Variants in SCFD2 observed in about 807,000 individuals in gnomAD.
The protein encoded by SCFD2 is sec1 family domain containing 2, also known as sec1 family domain-containing protein 2.
A neutral mutation model predicts 58.9 loss-of-function variants in SCFD2; 54 were observed. The observed-to-expected ratio is 0.92, with a 90% CI of 0.74 to 1.15. The LOEUF (loss-of-function observed/expected upper bound fraction) is 1.15, where lower values mean the gene tolerates loss of function less well. Among genes scored for constraint, SCFD2 ranks in the 50% most tolerant of loss-of-function variants. The pLI, the probability that SCFD2 is intolerant of heterozygous loss-of-function variation, is 0.00. For synonymous variants in SCFD2, 321 were observed against 335.9 expected, an observed-to-expected ratio of 0.96 and a Z score of 0.49; for missense variants, 805 against 836.6, an observed-to-expected ratio of 0.96 and a Z score of 0.47.
chr4:53,045,934 A>C (rs1218956404), intron 5 of SCFD2, among the ~76,000 whole-genome samples: 3 of 152,056 alleles, frequency 2.0e-5, no homozygotes, highest in Admixed American at 2.0e-4. Context: ...TGAAAAAAAA[A>C]ATCTATAGCT....
chr4:53,126,025 C>T (rs1462360258), intron 5 of SCFD2, among the ~76,000 whole-genome samples: 1 of 152,094 alleles, frequency 6.6e-6, no homozygotes, highest in Non-Finnish European at 1.5e-5. Context: ...CAAAGGGAAG[C>T]GGACCATGCT....
chr4:53,016,153 A>T (rs1218754600), intron 5 of SCFD2, among the ~76,000 whole-genome samples: 3 of 152,224 alleles, frequency 2.0e-5, no homozygotes, highest in Non-Finnish European at 4.4e-5. Context: ...ACAAATGATA[A>T]AAACCCTCAC....
At chr4:53,330,139 G>C (rs1172742753) in intron 2 of SCFD2, among the ~76,000 whole-genome samples, 2 of 152,266 alleles carry the variant, frequency 1.3e-5, no homozygotes, top group South Asian at 2.1e-4. Context: ...TGAAAGTGAT[G>C]GGGAGAATGG....
intron 5 of SCFD2, among the ~76,000 whole-genome samples, chr4:53,099,519 C>T (rs13111819): frequency 1.6e-3 from 251 of 152,242 alleles, no homozygotes; most frequent in Non-Finnish European, 3.1e-3. Context: ...TTGTACAAGA[C>T]GCATGGCGCC....
In SCFD2 at chr4:53,225,587, T is replaced by C. The variant is rs181459984; in HGVS notation, c.1311+48239A>G. Among the ~76,000 whole-genome samples, 416 of 152,368 alleles carry C rather than the reference T, an allele frequency of 2.7e-3. 1 individual carries two copies. Among genetic ancestry groups the C allele is most frequent in the African/African-American group, 9.5e-3 (395 of 41,604 alleles). Reference sequence around the variant, plus strand: ...CCCTATATAAAATTTTTAGAGCTAATAATAATGGCTAAAATTTGTTGTGTT... The same window carrying C: ...CCCTATATAAAATTTTTAGAGCTAACAATAATGGCTAAAATTTGTTGTGTT... On this transcript the variant is annotated intron_variant, in intron 4 of 8. Coordinates refer to ENST00000401642, the MANE Select transcript of SCFD2 (RefSeq NM_152540.4).
In SCFD2 at chr4:53,325,586, G is replaced by A. The variant is rs576985013; in HGVS notation, c.1008-11823C>T. On this transcript the variant is annotated intron_variant, in intron 2 of 8. Transcript: ENST00000401642. ...GAACTAAAAGGCATCGTTGGAATGTGTTTTGTGAGATTGATTTACTGATAG... is the reference window on the plus strand; with the variant it reads ...GAACTAAAAGGCATCGTTGGAATGTATTTTGTGAGATTGATTTACTGATAG... Among the ~76,000 whole-genome samples, 17 of 152,300 alleles carry A rather than the reference G, an allele frequency of 1.1e-4. No individual in the cohort carries two copies. In the South Asian group the frequency reaches 3.5e-3, roughly 32 times the overall value.
intron 5 of SCFD2, among the ~76,000 whole-genome samples, chr4:53,110,257 T>C (rs2148883735): frequency 6.6e-6 from 1 of 151,990 alleles, no homozygotes; most frequent in East Asian, 1.9e-4. Context: ...TGGATTAAAA[T>C]ATTAAATGTA....
In SCFD2 at chr4:53,125,133, G is replaced by A. The variant is rs184863461; in HGVS notation, c.1561+20200C>T. On this transcript the variant is annotated intron_variant, in intron 5 of 8. Transcript: ENST00000401642. ...GTCATTCTGAGCTAGGATGATTAGGGAAGGAATAAGAAAGGCAGTGACATA... is the reference window on the plus strand; with the variant it reads ...GTCATTCTGAGCTAGGATGATTAGGAAAGGAATAAGAAAGGCAGTGACATA... 4.4e-4 allele frequency among the ~76,000 whole-genome samples: 67 copies of A among 152,276 alleles called. 2 individuals are homozygous for A. In the South Asian group the frequency reaches 0.011, roughly 25 times the overall value.
intron 5 of SCFD2, among the ~76,000 whole-genome samples, chr4:53,091,323 A>G (rs1724462655): frequency 6.6e-6 from 1 of 151,866 alleles, no homozygotes; most frequent in Non-Finnish European, 1.5e-5. Context: ...CACTAGAGAT[A>G]AAGAATTAAC....
chr4:53,336,904 C>T (rs1733701853), intron 2 of SCFD2, among the ~76,000 whole-genome samples: 1 of 151,970 alleles, frequency 6.6e-6, no homozygotes, highest in Non-Finnish European at 1.5e-5. Context: ...ATCCTTGAAG[C>T]CTGTGTATTT....
intron 5 of SCFD2, among the ~76,000 whole-genome samples, chr4:52,934,194 C>A (rs1720070312): frequency 6.6e-6 from 1 of 152,200 alleles, no homozygotes; most frequent in South Asian, 2.1e-4. Context: ...CACTAGCATA[C>A]AACCTCCTTC....
At chr4:53,252,499 A>T (rs1279046280) in intron 4 of SCFD2, among the ~76,000 whole-genome samples, 3 of 150,968 alleles carry the variant, frequency 2.0e-5, no homozygotes, top group Non-Finnish European at 4.4e-5. Flanking sequence ...ACAAGGCTAC[A>T]GTAACCAAAA....
chr4:52,986,616 A>G (rs1453578411), intron 5 of SCFD2, among the ~76,000 whole-genome samples: 1 of 146,516 alleles, frequency 6.8e-6, no homozygotes, highest in African/African-American at 2.6e-5. Context: ...CTCCTGCCTC[A>G]GCCTCCCGAG....
chr4:53,303,397 A>G (rs557286817), intron 3 of SCFD2, among the ~76,000 whole-genome samples: 98 of 152,328 alleles, frequency 6.4e-4, no homozygotes, highest in African/African-American at 2.2e-3. Context: ...CAAAACCACA[A>G]TGAGATACCA....
At chr4:53,272,154 A>G (rs543087174) in intron 4 of SCFD2, among the ~76,000 whole-genome samples, 3 of 152,358 alleles carry the variant, frequency 2.0e-5, no homozygotes, top group African/African-American at 7.2e-5. Context: ...CCACAATGAG[A>G]TACCATCTCA....
chr4:53,264,962 C>A (rs1261393764), intron 4 of SCFD2, among the ~76,000 whole-genome samples: 1 of 152,026 alleles, frequency 6.6e-6, no homozygotes, highest in Non-Finnish European at 1.5e-5. Flanking sequence ...TATTAAAAAA[C>A]CATTTTCCAA....
At chr4:52,992,869 C>T (rs563254960) in intron 5 of SCFD2, among the ~76,000 whole-genome samples, 7 of 152,348 alleles carry the variant, frequency 4.6e-5, no homozygotes, top group African/African-American at 1.4e-4. Context: ...GCCCCTCTGC[C>T]CAGCAGTCAC....
intron 4 of SCFD2, among the ~76,000 whole-genome samples, chr4:53,188,021 T>C (rs777888581): frequency 2.0e-5 from 3 of 152,082 alleles, no homozygotes; most frequent in Non-Finnish European, 2.9e-5. Context: ...ACAGGTTCTA[T>C]TGGTACAGAA....
At chr4:53,170,895 T>C (rs1035171246) in intron 4 of SCFD2, among the ~76,000 whole-genome samples, 2 of 152,224 alleles carry the variant, frequency 1.3e-5, no homozygotes, top group Admixed American at 6.5e-5. Flanking sequence ...GCAACTTTAC[T>C]GAATTCATGT....
Sources: gnomAD v4.1 joint callset for allele counts (sites outside exome capture counted in the v4.1 genomes callset) on GRCh38, gnomAD v4.1.1 for gene constraint, MANE v1.5 for transcripts, NCBI Gene and HGNC (gene_info 2026-07-23, HGNC 2026-07-21) for gene names.